Variants in SLC8A1 observed in about 807,000 individuals in gnomAD.
SLC8A1 encodes the protein sodium/calcium exchanger 1.
Under a neutral mutation model 68.3 loss-of-function variants are expected in SLC8A1, and 18 were observed. The ratio of observed to expected loss-of-function variants is 0.26; its 90% CI spans 0.18 to 0.39. The LOEUF is 0.39. SLC8A1 is among the 10% of genes least tolerant of loss of function. The probability of loss-of-function intolerance (pLI) is 1.00; values close to 1 mark genes in which losing one functional copy is unlikely to be tolerated. For synonymous variants in SLC8A1, 475 were observed against 415.5 expected (o/e 1.14, Z -1.74); for missense variants, 985 against 1,156.7 (o/e 0.85, Z 2.15).
chr2:40,146,271 G>A (rs2042444199), intron 6 of SLC8A1, among the ~76,000 whole-genome samples: 2 of 152,006 alleles, frequency 1.3e-5, no homozygotes, highest in African/African-American at 2.4e-5. Context: ...GTTCAACCCC[G>A]GCTTAATGTG....
intron 2 of SLC8A1, among the ~76,000 whole-genome samples, chr2:40,426,787 G>A (rs967660500): frequency 5.9e-5 from 9 of 151,772 alleles, no homozygotes; most frequent in Non-Finnish European, 1.0e-4. Context: ...ACTTTTAGAT[G>A]GATTACAAGT....
intron 2 of SLC8A1, among the ~76,000 whole-genome samples, chr2:40,179,613 A>G (rs766167586): frequency 7.2e-5 from 11 of 152,226 alleles, no homozygotes; most frequent in Non-Finnish European, 1.5e-4. Context: ...ATTCTGATCA[A>G]TGTTTTTGAA....
At chr2:40,306,036 G>A (rs1010581074) in intron 2 of SLC8A1, among the ~76,000 whole-genome samples, 1 of 152,186 alleles carries the variant, frequency 6.6e-6, no homozygotes, top group African/African-American at 2.4e-5. Context: ...CAGGTTTTGG[G>A]AGGATGAATG....
chr2:40,464,671 T>A (rs1703555577), intron 1 of SLC8A1, among the ~76,000 whole-genome samples: 2 of 152,068 alleles, frequency 1.3e-5, no homozygotes, highest in South Asian at 4.1e-4. Context: ...TAAAACAGTC[T>A]GAGAAGTGGG....
At chr2:40,201,550 T>C (rs770766613) in intron 2 of SLC8A1, among the ~76,000 whole-genome samples, 2 of 151,916 alleles carry the variant, frequency 1.3e-5, no homozygotes, top group African/African-American at 4.8e-5. Flanking sequence ...GTCTCCACTT[T>C]CCCTGAATGA....
chr2:40,139,422 C>T (rs2041147576), exon 7 of SLC8A1: 5 of 1,613,884 alleles, frequency 3.1e-6, no homozygotes, highest in Non-Finnish European at 4.2e-6. Context: ...GTTCCAAGTG[C>T]GACGAACACG....
At chr2:40,476,510 T>C (rs1704304685) in intron 1 of SLC8A1, among the ~76,000 whole-genome samples, 1 of 152,190 alleles carries the variant, frequency 6.6e-6, no homozygotes, top group South Asian at 2.1e-4. Flanking sequence ...AGAGGATGTT[T>C]AGGTAAGGTG....
chr2:40,462,843 A>T (rs1703425834), intron 1 of SLC8A1, among the ~76,000 whole-genome samples: 1 of 152,132 alleles, frequency 6.6e-6, no homozygotes, highest in South Asian at 2.1e-4. Flanking sequence ...AAAATAAAAC[A>T]GCAGGAATGA....
chr2:40,350,168 T>G (rs897013760), intron 2 of SLC8A1, among the ~76,000 whole-genome samples: 1 of 152,172 alleles, frequency 6.6e-6, no homozygotes, highest in African/African-American at 2.4e-5. Context: ...CAACTCAGAA[T>G]TCTCTTAAAA....
At chr2:40,510,955 C>G (rs1706685888) in intron 1 of SLC8A1, among the ~76,000 whole-genome samples, 1 of 152,074 alleles carries the variant, frequency 6.6e-6, no homozygotes, top group Admixed American at 6.6e-5. Context: ...TGAAAGAAAC[C>G]ACCACATAAG....
At chr2:40,442,256 G>A (rs1380409829) in intron 1 of SLC8A1, among the ~76,000 whole-genome samples, 2 of 147,984 alleles carry the variant, frequency 1.4e-5, no homozygotes, top group African/African-American at 2.5e-5. Flanking sequence ...TACTAAAAGT[G>A]ATAATTCAAA....
chr2:40,292,682 A>T (rs2069550629), intron 2 of SLC8A1, among the ~76,000 whole-genome samples: 1 of 152,212 alleles, frequency 6.6e-6, no homozygotes, highest in Non-Finnish European at 1.5e-5. Flanking sequence ...AACTGACTTC[A>T]GAAAATAATG....
intron 1 of SLC8A1, among the ~76,000 whole-genome samples, chr2:40,463,207 G>C (rs1483506068): frequency 2.6e-5 from 4 of 152,134 alleles, no homozygotes; most frequent in African/African-American, 9.7e-5. Context: ...GCTAGGAAAG[G>C]AGGGAGTGAA....
intron 7 of SLC8A1, among the ~76,000 whole-genome samples, chr2:40,124,395 A>T (rs1202159225): frequency 6.6e-6 from 1 of 152,218 alleles, no homozygotes; most frequent in East Asian, 1.9e-4. Context: ...TCACAAAAAT[A>T]TGAACACTAT....
intron 2 of SLC8A1, among the ~76,000 whole-genome samples, chr2:40,271,885 G>A (rs78748386): frequency 6.6e-6 from 1 of 151,278 alleles, no homozygotes; most frequent in African/African-American, 2.4e-5. Context: ...TTTTTTTTTA[G>A]AGTCAGGGTC....
At chr2:40,257,962 G>A (rs1178339394) in intron 2 of SLC8A1, among the ~76,000 whole-genome samples, 1 of 152,190 alleles carries the variant, frequency 6.6e-6, no homozygotes, top group Non-Finnish European at 1.5e-5. Context: ...GAGGAAAGGA[G>A]AATGGCGGGT....
At position 40,348,698 on chromosome 2, in the gene SLC8A1, G is replaced by A. The variant is rs114833864; in HGVS notation, c.1808+79775C>T. Among the ~76,000 whole-genome samples, 237 of 152,180 alleles carry A rather than the reference G, an allele frequency of 1.6e-3. 1 individual carries two copies. The highest frequency in any genetic ancestry group is 5.5e-3 in the African/African-American group (228 of 41,528). The stretch of plus-strand genomic sequence containing the variant: ...GTCTCAGGGCAGCTAGTGCTGAAAC[G>A]TGACCAGAAAGAGTGAGGACATGAA... On this transcript the variant is annotated intron_variant, in intron 2 of 7. Transcript: ENST00000406785.
chr2:40,099,004 G>C (rs571240611), exon 8 of SLC8A1: 1 of 152,014 alleles, frequency 6.6e-6, no homozygotes, highest in East Asian at 1.9e-4. Flanking sequence ...GTAGTTAATA[G>C]GAAAATACCA....
intron 2 of SLC8A1, among the ~76,000 whole-genome samples, chr2:40,360,411 T>C (rs1165725196): frequency 1.3e-5 from 2 of 152,198 alleles, no homozygotes; most frequent in Admixed American, 6.5e-5. Flanking sequence ...TATATTTATA[T>C]GTGGTTAGGC....
Sources: gnomAD v4.1 joint callset for allele counts (sites outside exome capture counted in the v4.1 genomes callset) on GRCh38, gnomAD v4.1.1 for gene constraint, MANE v1.5 for transcripts, NCBI Gene and HGNC (gene_info 2026-07-23, HGNC 2026-07-21) for gene names.